The following MAPK9 variants were observed in gnomAD, a reference collection of about 807,000 sequenced individuals.
The protein encoded by MAPK9 is mitogen-activated protein kinase 9, also known as Jun kinase.
In MAPK9, 30 loss-of-function variants were observed where a neutral mutation model predicts 57.1. The observed-to-expected ratio is 0.53, with a 90% CI of 0.39 to 0.71. MAPK9 has a LOEUF of 0.71. Among genes scored for constraint, MAPK9 ranks in the 30% least tolerant of loss-of-function variants. The pLI is 0.00. For missense variants in MAPK9, 362 were observed against 521.0 expected (o/e 0.69, Z 2.97); for synonymous variants, 155 against 177.0 (o/e 0.88, Z 0.99).
chr5:180,290,938 T>C (rs1019574141), intron 1 of MAPK9, among the ~76,000 whole-genome samples: 3 of 152,068 alleles, frequency 2.0e-5, no homozygotes, highest in African/African-American at 7.2e-5. Flanking sequence ...GGCAAATAAA[T>C]AGAATAGTTT....
intron 2 of MAPK9, among the ~76,000 whole-genome samples, chr5:180,275,680 G>A (rs1292826212): frequency 6.6e-6 from 1 of 152,196 alleles, no homozygotes; most frequent in Non-Finnish European, 1.5e-5. Context: ...GGGGGACAGT[G>A]GGAATGTTGG....
At chr5:180,289,674 G>A (rs1368359053) in intron 1 of MAPK9, among the ~76,000 whole-genome samples, 1 of 152,070 alleles carries the variant, frequency 6.6e-6, no homozygotes, top group African/African-American at 2.4e-5. Flanking sequence ...ACAGGGCCTG[G>A]CTCCCCTGGC....
intron 7 of MAPK9, 52 bp from the exon 8 acceptor site, chr5:180,242,807 C>T (rs745468052): frequency 7.3e-7 from 1 of 1,367,290 alleles, no homozygotes; most frequent in Admixed American, 2.0e-5. Context: ...ATTCACAGTA[C>T]ATGCGGCAGC....
At position 180,247,997 on chromosome 5, in the gene MAPK9, C is replaced by A; in HGVS notation, c.617-487G>T. 6.8e-7 allele frequency: 1 copy of A among 1,467,868 alleles called. No homozygotes were observed. Among genetic ancestry groups the A allele is most frequent in the Non-Finnish European group, 9.4e-7 (1 of 1,068,416 alleles). 90.9% of individuals were successfully genotyped at this position (1,467,868 alleles called of 1,614,324 possible). A position where few individuals can be genotyped will look rare whatever the true frequency, so the allele number is the denominator to read the frequency against. On this transcript the variant is annotated intron_variant, in intron 6 of 11. Coordinates refer to ENST00000452135, the MANE Select transcript of MAPK9 (RefSeq NM_002752.5). This position sits in a 1 kb window ranked among gnomAD's most constrained non-coding sequence, Gnocchi z 4.5. Reference sequence around the variant, plus strand: ...TTTTTCTTCAAACCCCCTCCCAGGACAAACCCGGTACACGTCACTAGCTTG... The same window carrying A: ...TTTTTCTTCAAACCCCCTCCCAGGAAAAACCCGGTACACGTCACTAGCTTG...
At position 180,236,435 on chromosome 5, in the gene MAPK9, G is replaced by A. The variant is rs1757178052; in HGVS notation, c.1224C>T (p.Asp408=). The A allele has an allele frequency of 3.1e-6, 5 of 1,613,790 alleles. No individual in the cohort carries two copies. In the African/African-American group the frequency reaches 4.0e-5, roughly 13 times the overall value. The change falls in exon 12 of 12, where the codon GAC becomes GAT. Residue 408 remains aspartate, a synonymous_variant. Coordinates refer to ENST00000452135, the MANE Select transcript of MAPK9 (RefSeq NM_002752.5). ...TCGAGGCATCAAGACTGCTGTCTGT[G>A]TCTGAGGCCAGCGTCTGCTCAGTGG... ...SMSTEQTLAS[D]TDSSLDASTG...
rs769071234 is a variant in MAPK9, at chr5:180,247,356, C to T, written c.688+83G>A. On this transcript the variant is annotated intron_variant, in intron 7 of 11. Transcript: ENST00000452135. The surrounding 1 kb of genome is among the most constrained non-coding windows in gnomAD (Gnocchi z 4.5). ...GGAGTGGATTTTACGACTTTGTCCTCGTGAGCGCTCGTGTAAGCAGGTGGT... is the reference window on the plus strand; with the variant it reads ...GGAGTGGATTTTACGACTTTGTCCTTGTGAGCGCTCGTGTAAGCAGGTGGT... 32 of 1,531,210 alleles carry T rather than the reference C, an allele frequency of 2.1e-5. No individual in the cohort carries two copies. Among genetic ancestry groups the T allele is most frequent in the African/African-American group, 4.1e-5 (3 of 73,264 alleles). The allele number at this position is 1,531,210 out of a possible 1,614,324, so 94.9% of individuals were successfully genotyped here. A position where few individuals can be genotyped will look rare whatever the true frequency, so the allele number is the denominator to read the frequency against.
intron 2 of MAPK9, 33 bp from the exon 3 acceptor site, chr5:180,269,442 A>G (rs373269418): frequency 1.3e-6 from 2 of 1,599,180 alleles, no homozygotes; most frequent in African/African-American, 2.7e-5. Context: ...ACAATCCATT[A>G]GAACGGTTTT....
chr5:180,263,597 T>G (rs1415308599), intron 4 of MAPK9, among the ~76,000 whole-genome samples: 1 of 152,026 alleles, frequency 6.6e-6, no homozygotes. Context: ...CCACGCCACC[T>G]CTTGATGGTC....
intron 5 of MAPK9, chr5:180,258,345 T>C (rs1458482376): frequency 6.6e-6 from 1 of 152,280 alleles, no homozygotes; most frequent in Non-Finnish European, 1.5e-5. Flanking sequence ...TCAGTTTTTG[T>C]AGTTACTTTC....
intron 1 of MAPK9, among the ~76,000 whole-genome samples, chr5:180,290,810 G>A (rs1038759845): frequency 6.6e-6 from 1 of 152,218 alleles, no homozygotes; most frequent in African/African-American, 2.4e-5. Flanking sequence ...TCATTGAGCT[G>A]ATACTACTGA....
chr5:180,280,293 T>A (rs1226417508), intron 2 of MAPK9, 147 bp downstream of exon 2: 1 of 1,045,402 alleles, frequency 9.6e-7, no homozygotes, highest in Non-Finnish European at 1.4e-6. Flanking sequence ...TACACAGAAC[T>A]AGAGCAAGCA....
intron 7 of MAPK9, chr5:180,246,914 A>G (rs35691219): frequency 0.11 from 16,498 of 152,986 alleles, 1,074 homozygotes; most frequent in Non-Finnish European, 0.14. Flanking sequence ...TGTTCCTCAC[A>G]AAATTTTCAT....
At chr5:180,241,241 A>G in intron 8 of MAPK9, 86 bp from the exon 9 acceptor site, 1 of 1,273,410 alleles carries the variant, frequency 7.9e-7, no homozygotes, top group Non-Finnish European at 1.1e-6. Flanking sequence ...GACAACACAG[A>G]TAGAACAAAG....
rs34806562 is a variant in MAPK9 at position 180,265,039 on chromosome 5, C to T, written c.253-200G>A. ...AGGAAAGATGCACTTTTAATCAAAT[C>T]ACTTTTATGTGTCCCTAGTAACTTA... On this transcript the variant is annotated intron_variant, in intron 3 of 11. Transcript: ENST00000452135. Among the ~76,000 whole-genome samples, 1,467 of 152,250 alleles carry T rather than the reference C, an allele frequency of 9.6e-3. 26 individuals are homozygous for T. The highest frequency in any genetic ancestry group is 0.034 in the African/African-American group (1,400 of 41,524).
intron 5 of MAPK9, among the ~76,000 whole-genome samples, chr5:180,250,858 C>G (rs1758606699): frequency 6.6e-6 from 1 of 152,178 alleles, no homozygotes; most frequent in South Asian, 2.1e-4. Flanking sequence ...AACCGGGCTG[C>G]CTCCCTGCAT....
At position 180,247,594 on chromosome 5, in the gene MAPK9, A is replaced by G; in HGVS notation, c.617-84T>C. ...AAAAGGAATTCTAACAGTGCACTAA[A>G]CACACAAATATGGAAAAATAAATTG... On this transcript the variant is annotated intron_variant, in intron 6 of 11. Coordinates refer to ENST00000452135, the MANE Select transcript of MAPK9 (RefSeq NM_002752.5). The surrounding 1 kb of genome is among the most constrained non-coding windows in gnomAD (Gnocchi z 4.5). The G allele has an allele frequency of 1.7e-6, 2 of 1,180,748 alleles. No individual in the cohort carries two copies. The highest frequency in any genetic ancestry group is 2.6e-5 in the South Asian group (2 of 78,006). The allele number at this position is 1,180,748 out of a possible 1,614,324, so 73.1% of individuals were successfully genotyped here.
intron 3 of MAPK9, among the ~76,000 whole-genome samples, chr5:180,268,116 A>ACG (rs1561826270): frequency 2.0e-5 from 3 of 151,998 alleles, no homozygotes; most frequent in Admixed American, 6.6e-5. Flanking sequence ...GAGCCACTGC[A>ACG]CCCGGCCAAC....
At chr5:180,279,836 C>T (rs935857051) in intron 2 of MAPK9, 5 of 456,394 alleles carry the variant, frequency 1.1e-5, no homozygotes, top group East Asian at 6.9e-5. Context: ...GACCGTCTTA[C>T]CATGCAAGAG....
intron 5 of MAPK9, 126 bp downstream of exon 5, chr5:180,261,558 A>G (rs938506724): frequency 5.6e-5 from 54 of 963,262 alleles, no homozygotes; most frequent in Middle Eastern, 6.9e-4. Flanking sequence ...TTAAAACACC[A>G]TATGATTCCA....
Sources: allele counts gnomAD v4.1 joint callset (sites outside exome capture counted in the v4.1 genomes callset), GRCh38; gene constraint gnomAD v4.1.1; non-coding constraint Gnocchi (gnomAD v3.1); transcripts MANE v1.5; gene names NCBI Gene and HGNC (gene_info 2026-07-23, HGNC 2026-07-21).